The following PHC2 variants were observed in gnomAD, a reference collection of about 807,000 sequenced individuals.
PHC2 encodes the protein polyhomeotic homolog 2.
PHC2 carries 29 observed loss-of-function variants against 87.4 expected under a neutral mutation model. The observed-to-expected ratio is 0.33, with a 90% confidence interval of 0.25 to 0.45. The LOEUF is 0.45. PHC2 is among the 20% of genes least tolerant of loss of function. The pLI, the probability that PHC2 is intolerant of heterozygous loss-of-function variation, is 1.00. For synonymous variants in PHC2, 438 were observed against 461.7 expected (o/e 0.95, Z 0.66); for missense variants, 857 against 1,136.7 (o/e 0.75, Z 3.54).
At chr1:33,410,813 ATAG>A (rs1160417331) in intron 1 of PHC2, among the ~76,000 whole-genome samples, 2 of 152,218 alleles carry the variant, frequency 1.3e-5, no homozygotes, top group African/African-American at 2.4e-5. Flanking sequence ...CTTTACAAAA[ATAG>A]TAGCCATTAT....
chr1:33,372,217 C>T, intron 3 of PHC2, 72 bp downstream of exon 3: 1 of 1,437,856 alleles, frequency 7.0e-7, no homozygotes, highest in African/African-American at 1.4e-5. Context: ...GGTGCGGTGC[C>T]TGCTTCCTCT....
rs376200315 is a variant in PHC2 at position 33,324,881 on chromosome 1, A to C, written c.2564T>G (p.Met855Arg). The C allele has an allele frequency of 2.5e-6, 4 of 1,613,238 alleles. No homozygotes were observed. Among genetic ancestry groups the C allele is most frequent in the African/African-American group, 1.3e-5 (1 of 74,942 alleles). Reference sequence around the variant, plus strand: ...CCACCAGCCCTAGGAGTCCTTGAGCATGCTGATGCGGGCGTAGATCTTCAG... The same window carrying C: ...CCACCAGCCCTAGGAGTCCTTGAGCCTGCTGATGCGGGCGTAGATCTTCAG... ...PALKIYARIS[M>R]LKDS The change falls in exon 15 of 15, where the codon ATG becomes AGG. Residue 855 changes from methionine (M) to arginine (R), a missense_variant. By Grantham distance (91) the Met-to-Arg change is moderately conservative. Transcript: ENST00000683057.
At chr1:33,424,097 C>CAA (rs11322060) in intron 1 of PHC2, among the ~76,000 whole-genome samples, 40 of 108,708 alleles carry the variant, frequency 3.7e-4, no homozygotes, top group African/African-American at 1.3e-3. Context: ...GACTCCGTCT[C>CAA]AAAAAAAAAA....
At chr1:33,427,799 G>C (rs1650743336) in intron 1 of PHC2, among the ~76,000 whole-genome samples, 1 of 152,202 alleles carries the variant, frequency 6.6e-6, no homozygotes, top group African/African-American at 2.4e-5. Flanking sequence ...ACAACAAATG[G>C]TGGTGAATAG....
intron 1 of PHC2, among the ~76,000 whole-genome samples, chr1:33,406,954 T>C (rs940668237): frequency 6.6e-6 from 1 of 152,224 alleles, no homozygotes; most frequent in Admixed American, 6.5e-5. Flanking sequence ...TACCCTATCT[T>C]GCATATGATC....
chr1:33,388,006 A>C (rs1028032131), intron 1 of PHC2, among the ~76,000 whole-genome samples: 2 of 152,244 alleles, frequency 1.3e-5, no homozygotes, highest in African/African-American at 2.4e-5. Context: ...TATATTATCT[A>C]CACATAAGGT....
intron 1 of PHC2, among the ~76,000 whole-genome samples, chr1:33,428,817 T>C (rs190500191): frequency 3.9e-5 from 6 of 152,256 alleles, no homozygotes; most frequent in East Asian, 3.9e-4. Context: ...GGAGGAGGCA[T>C]TGGAAAGCCT....
In PHC2 at chr1:33,345,492, T is replaced by C. The variant is rs1167230095; in HGVS notation, c.1558+8909A>G. ...CTTTTTCACTAACTATAAAAATAAT[T>C]TGGAAGGAGAAGGAAACAAAAAAAA... On this transcript the variant is annotated intron_variant, in intron 9 of 14. Coordinates refer to ENST00000683057, the MANE Select transcript of PHC2 (RefSeq NM_001385109.1). 6 of 943,326 alleles carry C rather than the reference T, an allele frequency of 6.4e-6. No individual in the cohort carries two copies. In the African/African-American group the frequency reaches 7.1e-5, roughly 11 times the overall value. The allele number at this position is 943,326 out of a possible 1,614,324, so 58.4% of individuals were successfully genotyped here.
chr1:33,351,951 C>CAAAAAA (rs10718909), intron 9 of PHC2, among the ~76,000 whole-genome samples: 3 of 87,422 alleles, frequency 3.4e-5, no homozygotes, highest in Admixed American at 2.5e-4. Context: ...GAATGCATCT[C>CAAAAAA]AAAAAAAAAA....
rs764840368 is a variant in PHC2 at position 33,334,046 on chromosome 1, C to G, written c.1761+44G>C. ...ATGTAAAAATATTCTAAGACACATC[C>G]AAAATATACTTAAAAAAAAAAGGGG... On this transcript the variant is annotated intron_variant, in intron 10 of 14. Transcript: ENST00000683057. The surrounding 1 kb of genome is among the most constrained non-coding windows in gnomAD (Gnocchi z 5.5). 6.6e-7 allele frequency: 1 copy of G among 1,517,766 alleles called. No homozygotes were observed. Among genetic ancestry groups the G allele is most frequent in the Admixed American group, 2.1e-5 (1 of 48,692 alleles). The allele number at this position is 1,517,766 out of a possible 1,614,324, so 94.0% of individuals were successfully genotyped here. A position where few individuals can be genotyped will look rare whatever the true frequency, so the allele number is the denominator to read the frequency against.
intron 7 of PHC2, among the ~76,000 whole-genome samples, chr1:33,356,279 A>ATATATATATATATATG (rs1557831097): frequency 1.2e-4 from 16 of 129,222 alleles, no homozygotes; most frequent in South Asian, 2.3e-4. Flanking sequence ...ATATATATGT[A>ATATATATATATATATG]TATATATATA....
intron 1 of PHC2, among the ~76,000 whole-genome samples, chr1:33,402,105 T>C (rs1235972180): frequency 6.6e-6 from 1 of 152,164 alleles, no homozygotes; most frequent in Non-Finnish European, 1.5e-5. Context: ...AAAATACCTA[T>C]AACTCAAAAG....
chr1:33,406,568 G>C (rs1346200765), intron 1 of PHC2, among the ~76,000 whole-genome samples: 1 of 152,182 alleles, frequency 6.6e-6, no homozygotes, highest in East Asian at 1.9e-4. Context: ...TTTTAGGTGT[G>C]TCTTCTGTAA....
intron 1 of PHC2, among the ~76,000 whole-genome samples, chr1:33,427,222 A>C (rs1650709409): frequency 6.6e-6 from 1 of 152,212 alleles, no homozygotes; most frequent in Admixed American, 6.5e-5. Context: ...ATGTATACAA[A>C]GAGCTTAGCA....
chr1:33,399,528 G>T (rs1234150497), intron 1 of PHC2, among the ~76,000 whole-genome samples: 1 of 152,166 alleles, frequency 6.6e-6, no homozygotes, highest in Non-Finnish European at 1.5e-5. Context: ...TAAGCATCTT[G>T]CCATTGGAGA....
intron 1 of PHC2, among the ~76,000 whole-genome samples, chr1:33,391,496 A>G (rs946952573): frequency 6.5e-4 from 99 of 152,230 alleles, no homozygotes; most frequent in African/African-American, 2.3e-3. Flanking sequence ...GGAGACAGCA[A>G]ATCACTGTAC....
intron 13 of PHC2, among the ~76,000 whole-genome samples, chr1:33,329,360 T>C (rs1646439247): frequency 2.0e-5 from 3 of 152,166 alleles, no homozygotes; most frequent in Admixed American, 6.5e-5. Context: ...ACTGCAATTA[T>C]CTTTTTCTAA....
chr1:33,412,910 C>A (rs1650039677), intron 1 of PHC2, among the ~76,000 whole-genome samples: 1 of 152,032 alleles, frequency 6.6e-6, no homozygotes, highest in Non-Finnish European at 1.5e-5. Context: ...TTATAGGAAA[C>A]TCAGGGTTAT....
intron 1 of PHC2, among the ~76,000 whole-genome samples, chr1:33,408,845 C>T (rs1426264661): frequency 6.6e-6 from 1 of 152,170 alleles, no homozygotes; most frequent in Non-Finnish European, 1.5e-5. Flanking sequence ...GTCTTCTTGA[C>T]TTCCTTGTTA....
Sources: gnomAD v4.1 joint callset for allele counts (sites outside exome capture counted in the v4.1 genomes callset) on GRCh38, gnomAD v4.1.1 for gene constraint, Gnocchi (gnomAD v3.1) non-coding constraint, MANE v1.5 for transcripts, NCBI Gene and HGNC (gene_info 2026-07-23, HGNC 2026-07-21) for gene names.